TRERF1: variants seen among roughly 807,000 people sequenced by gnomAD.
The protein encoded by TRERF1 is transcriptional-regulating factor 1.
Under a neutral mutation model 122.9 loss-of-function variants are expected in TRERF1, and 27 were observed. That is an observed-to-expected ratio of 0.22 (90% CI 0.16 to 0.30). The LOEUF is 0.30. TRERF1 is among the 10% of genes least tolerant of loss of function. The pLI, the probability that TRERF1 is intolerant of heterozygous loss-of-function variation, is 1.00. For synonymous variants in TRERF1, 636 were observed against 641.7 expected, an observed-to-expected ratio of 0.99 and a Z score of 0.13; for missense variants, 1,248 against 1,560.3, an observed-to-expected ratio of 0.80 and a Z score of 3.37.
At chr6:42,351,919 G>A (rs1011547958) in intron 3 of TRERF1, among the ~76,000 whole-genome samples, 5 of 152,176 alleles carry the variant, frequency 3.3e-5, no homozygotes, top group African/African-American at 9.7e-5. Context: ...TCCACCGGTG[G>A]AGTGACCACC....
chr6:42,433,204 T>C (rs1468119692), intron 2 of TRERF1, among the ~76,000 whole-genome samples: 1 of 151,994 alleles, frequency 6.6e-6, no homozygotes, highest in African/African-American at 2.4e-5. Context: ...CAGAAAGCAG[T>C]AAATGAAAGC....
intron 4 of TRERF1, among the ~76,000 whole-genome samples, chr6:42,284,849 G>GT (rs1782904482): frequency 6.6e-6 from 1 of 152,206 alleles, no homozygotes; most frequent in Admixed American, 6.5e-5. Context: ...CAAATGTCAG[G>GT]TAAGTGTGTA....
intron 2 of TRERF1, among the ~76,000 whole-genome samples, chr6:42,402,391 C>T (rs1779517427): frequency 6.6e-6 from 1 of 152,100 alleles, no homozygotes; most frequent in Non-Finnish European, 1.5e-5. Context: ...TTTGTTCCAT[C>T]CACATGAAAG....
Position 42,342,470 on chromosome 6 carries a change from C to A in TRERF1, c.-371+20527G>T, listed in dbSNP as rs1347364537. 2.0e-5 allele frequency among the ~76,000 whole-genome samples: 3 copies of A among 152,190 alleles called. No homozygotes were observed. In the East Asian group the frequency reaches 5.8e-4, roughly 29 times the overall value. ...ACCCAAGAGTCCCACATCCTTCTCA[C>A]CTCTGTTCCAGGCAGCCACTATTAA... On this transcript the variant is annotated intron_variant, in intron 3 of 17. Transcript: ENST00000372922.
intron 3 of TRERF1, among the ~76,000 whole-genome samples, chr6:42,343,834 C>T (rs1767753984): frequency 6.6e-6 from 1 of 152,198 alleles, no homozygotes; most frequent in Non-Finnish European, 1.5e-5. Context: ...TTCTCTGAGC[C>T]TGTAAGCAGG....
At chr6:42,262,998 G>C (rs905505275) in intron 8 of TRERF1, among the ~76,000 whole-genome samples, 2 of 152,216 alleles carry the variant, frequency 1.3e-5, no homozygotes, top group Non-Finnish European at 2.9e-5. Context: ...TTGTCTCAGT[G>C]ACTCCCAGCT....
At chr6:42,442,453 C>T (rs1202986180) in intron 2 of TRERF1, among the ~76,000 whole-genome samples, 2 of 152,240 alleles carry the variant, frequency 1.3e-5, no homozygotes, top group African/African-American at 4.8e-5. Flanking sequence ...CTAGAGGCCA[C>T]ACCATCTAGA....
At chr6:42,360,470 G>T (rs1170619584) in intron 3 of TRERF1, among the ~76,000 whole-genome samples, 2 of 152,180 alleles carry the variant, frequency 1.3e-5, no homozygotes, top group African/African-American at 4.8e-5. Context: ...GGAAGATCCT[G>T]CCTGACACTA....
intron 2 of TRERF1, among the ~76,000 whole-genome samples, chr6:42,428,228 A>G (rs905265521): frequency 1.3e-5 from 2 of 152,242 alleles, no homozygotes; most frequent in Admixed American, 6.5e-5. Context: ...GGGACAATGC[A>G]TCGGAAAACA....
chr6:42,361,758 G>A (rs1771813438), intron 3 of TRERF1, among the ~76,000 whole-genome samples: 3 of 152,260 alleles, frequency 2.0e-5, no homozygotes, highest in East Asian at 1.9e-4. Context: ...CATTCGCTCC[G>A]CAGATCCACC....
At chr6:42,249,873 CTCACACTAGAGGTGGCTTCCTGA>C (rs1173988562) in intron 13 of TRERF1, among the ~76,000 whole-genome samples, 2 of 152,192 alleles carry the variant, frequency 1.3e-5, no homozygotes, top group Non-Finnish European at 2.9e-5. Flanking sequence ...CAAATCCATT[CTCACACTAGAGGTGGCTTCCTGA>C]TCACAAGATT....
At chr6:42,412,276 C>T (rs1186524983) in intron 2 of TRERF1, among the ~76,000 whole-genome samples, 1 of 152,188 alleles carries the variant, frequency 6.6e-6, no homozygotes, top group East Asian at 1.9e-4. Flanking sequence ...GCTGGGATTA[C>T]AGGCGTGAGC....
At chr6:42,373,213 G>T (rs1252567448) in intron 2 of TRERF1, among the ~76,000 whole-genome samples, 1 of 152,206 alleles carries the variant, frequency 6.6e-6, no homozygotes, top group African/African-American at 2.4e-5. Flanking sequence ...GAGCACTGGT[G>T]GACTGGGCAC....
Position 42,401,245 on chromosome 6 carries a change from C to A in TRERF1, c.-453-38166G>T, listed in dbSNP as rs1217103398. On this transcript the variant is annotated intron_variant, in intron 2 of 17. Coordinates refer to ENST00000372922, the Ensembl canonical transcript of TRERF1. The stretch of plus-strand genomic sequence containing the variant: ...ATACTGAATTAATTACCATAAAAAA[C>A]CAGGCCGTCAACTACCAGTTACCCA... Among the ~76,000 whole-genome samples the A allele has an allele frequency of 4.6e-5, 7 of 152,320 alleles. No homozygotes were observed. The South Asian group carries it at 1.2e-3, about 27-fold the overall frequency.
intron 2 of TRERF1, among the ~76,000 whole-genome samples, chr6:42,417,031 A>G (rs1781929133): frequency 6.6e-6 from 1 of 152,170 alleles, no homozygotes; most frequent in Admixed American, 6.5e-5. Flanking sequence ...ACGCCCAGCC[A>G]GCCTGGTTCC....
chr6:42,226,497 T>C (rs4424082), exon 18 of TRERF1: 1 of 152,062 alleles, frequency 6.6e-6, no homozygotes, highest in Non-Finnish European at 1.5e-5. Context: ...ACTGCTTGGA[T>C]AAAACAGGAT....
In TRERF1 at chr6:42,305,995, C is replaced by CTTTTTTTT. The variant is rs55700516; in HGVS notation, c.-370-5254_-370-5247dup. Among the ~76,000 whole-genome samples, 61 of 69,496 alleles carry CTTTTTTTT rather than the reference C, an allele frequency of 8.8e-4. 2 individuals are homozygous for CTTTTTTTT. The highest frequency in any genetic ancestry group is 3.3e-3 in the East Asian group (6 of 1,826). The allele number at this position is 69,496 out of a possible 152,430, so 45.6% of individuals were successfully genotyped here. ...CCCATTCTCTCTCCAAATATCTCTC[C>CTTTTTTTT]TTTTTTTTTTTTTTTTTTTTTTTTG... On this transcript the variant is annotated intron_variant, in intron 3 of 17. Transcript: ENST00000372922.
Position 42,268,174 on chromosome 6 carries a change from G to A in TRERF1, c.1417C>T (p.Pro473Ser). 2.1e-6 allele frequency: 3 copies of A among 1,460,088 alleles called. No individual in the cohort carries two copies. Among genetic ancestry groups the A allele is most frequent in the Non-Finnish European group, 2.7e-6 (3 of 1,104,804 alleles). 90.4% of individuals were successfully genotyped at this position (1,460,088 alleles called of 1,614,324 possible). The change falls in exon 5 of 18, where the codon CCC (proline) becomes TCC (serine). Residue 473 changes from proline to serine, a missense_variant. By Grantham distance (74) the Pro-to-Ser change is moderately conservative (BLOSUM62 -1). Coordinates refer to ENST00000372922, the Ensembl canonical transcript of TRERF1. The surrounding 1 kb of genome is among the most constrained non-coding windows in gnomAD (Gnocchi z 4.4). The stretch of plus-strand genomic sequence containing the variant: ...AATACCTGGGGCCACATGGCACTGG[G>A]AGACAGCTGCTGATGCTGAGGCCCC...
chr6:42,321,540 A>T (rs1405371708), intron 3 of TRERF1, among the ~76,000 whole-genome samples: 1 of 152,262 alleles, frequency 6.6e-6, no homozygotes, highest in Non-Finnish European at 1.5e-5. Flanking sequence ...CACATCAAGC[A>T]TCAGGGTCAC....
Sources: gnomAD v4.1 joint callset for allele counts (sites outside exome capture counted in the v4.1 genomes callset) on GRCh38, gnomAD v4.1.1 for gene constraint, Gnocchi (gnomAD v3.1) non-coding constraint, MANE v1.5 for transcripts, NCBI Gene and HGNC (gene_info 2026-07-23, HGNC 2026-07-21) for gene names.